The following ANKRD17 variants were observed in gnomAD, a reference collection of about 807,000 sequenced individuals.
ANKRD17 encodes ankyrin repeat domain 17.
ANKRD17 carries 19 observed loss-of-function variants against 229.7 expected under a neutral mutation model. That is an observed-to-expected ratio of 0.08 (90% confidence interval 0.06 to 0.12). The LOEUF (loss-of-function observed/expected upper bound fraction) is 0.12, where lower values mean the gene tolerates loss of function less well. Ranked by LOEUF, ANKRD17 falls within the 10% of genes least tolerant of loss-of-function variation. ANKRD17 has a pLI of 1.00. For missense variants in ANKRD17, 2,176 were observed against 3,176.8 expected, an observed-to-expected ratio of 0.68 and a Z score of 7.57; for synonymous variants, 1,112 against 1,146.1, an observed-to-expected ratio of 0.97 and a Z score of 0.60.
intron 27 of ANKRD17, among the ~76,000 whole-genome samples, chr4:73,095,098 C>T (rs767156242): frequency 6.4e-4 from 96 of 151,014 alleles, no homozygotes; most frequent in African/African-American, 2.1e-3. Context: ...CACTTGAATC[C>T]GGGAGATGGA....
chr4:73,162,890 C>T (rs1732721259), intron 2 of ANKRD17, among the ~76,000 whole-genome samples: 1 of 152,020 alleles, frequency 6.6e-6, no homozygotes, highest in Non-Finnish European at 1.5e-5. Flanking sequence ...GATAGGATCT[C>T]ACCTGGTTGC....
chr4:73,191,341 A>ATGTGTGTGTGTGTGTGTGTGTG (rs71655741), intron 1 of ANKRD17, among the ~76,000 whole-genome samples: 1,509 of 125,216 alleles, frequency 0.012, 26 homozygotes, highest in South Asian at 0.017. Context: ...AAAAATATAT[A>ATGTGTGTGTGTGTGTGTGTGTG]TGTGTGTGTG....
chr4:73,223,044 A>G (rs1205976635), intron 1 of ANKRD17: 2 of 1,536,004 alleles, frequency 1.3e-6, no homozygotes, highest in Admixed American at 3.9e-5. Context: ...TCAAACTGCC[A>G]TGTTTCTTAC....
At chr4:73,108,618 G>C (rs1405574648) in intron 24 of ANKRD17, among the ~76,000 whole-genome samples, 1 of 152,102 alleles carries the variant, frequency 6.6e-6, no homozygotes, top group African/African-American at 2.4e-5. Flanking sequence ...AGATGGAGAG[G>C]AGAAGTAACC....
chr4:73,190,859 G>GA (rs1176765477), intron 1 of ANKRD17, among the ~76,000 whole-genome samples: 1 of 151,688 alleles, frequency 6.6e-6, no homozygotes, highest in South Asian at 2.1e-4. Flanking sequence ...AGACCTACAG[G>GA]AAAAAAACTG....
At chr4:73,123,588 A>T (rs1727041588) in intron 18 of ANKRD17, among the ~76,000 whole-genome samples, 1 of 152,124 alleles carries the variant, frequency 6.6e-6, no homozygotes, top group African/African-American at 2.4e-5. Context: ...TGCCTATATT[A>T]TCACTGTTAA....
intron 32 of ANKRD17, 105 bp from the exon 33 acceptor site, chr4:73,077,209 G>T: frequency 2.2e-6 from 3 of 1,345,626 alleles, no homozygotes; most frequent in Non-Finnish European, 2.0e-6. Flanking sequence ...CTCATCCTGG[G>T]AATGTGTAAC....
intron 16 of ANKRD17, among the ~76,000 whole-genome samples, chr4:73,126,254 C>T (rs138837271): frequency 4.6e-5 from 7 of 152,102 alleles, no homozygotes; most frequent in African/African-American, 1.2e-4. Flanking sequence ...AGTCCATGTG[C>T]ATGAGGAAAT....
At chr4:73,150,048 G>C (rs1447967201) in intron 7 of ANKRD17, among the ~76,000 whole-genome samples, 1 of 151,298 alleles carries the variant, frequency 6.6e-6, no homozygotes, top group African/African-American at 2.4e-5. Flanking sequence ...GCCTATTTTT[G>C]CCTCTATGCT....
At chr4:73,162,399 T>C (rs779514932) in intron 2 of ANKRD17, among the ~76,000 whole-genome samples, 3 of 151,994 alleles carry the variant, frequency 2.0e-5, no homozygotes, top group Non-Finnish European at 2.9e-5. Flanking sequence ...TCATTTATGT[T>C]GTGTAGGGTA....
intron 25 of ANKRD17, among the ~76,000 whole-genome samples, chr4:73,100,004 T>A (rs1723769732): frequency 6.6e-6 from 1 of 152,076 alleles, no homozygotes; most frequent in Non-Finnish European, 1.5e-5. Flanking sequence ...GGGGCACCAA[T>A]AACAAGGAGC....
chr4:73,258,170 A>G (rs1745648064), intron 1 of ANKRD17, 106 bp downstream of exon 1: 2 of 1,549,550 alleles, frequency 1.3e-6, no homozygotes, highest in African/African-American at 2.7e-5. Context: ...CTGGCCCCTA[A>G]GAGATCAACC....
Position 73,120,552 on chromosome 4 carries a change from A to AAAAG in ANKRD17, c.3850-219_3850-216dup, listed in dbSNP as rs919433506. ...TCTCAACGGTATTGCAAAAAAAAAA[A>AAAAG]AAAGAAAGAAAGAAAAAAAAATCTG... On this transcript the variant is annotated intron_variant, in intron 20 of 33. Transcript: ENST00000358602. Among the ~76,000 whole-genome samples the AAAAG allele has an allele frequency of 2.5e-3, 382 of 151,510 alleles. 2 individuals carry two copies. The highest frequency in any genetic ancestry group is 8.7e-3 in the African/African-American group (361 of 41,370).
chr4:73,167,486 T>C (rs1733390855), intron 2 of ANKRD17, among the ~76,000 whole-genome samples: 1 of 152,228 alleles, frequency 6.6e-6, no homozygotes, highest in Non-Finnish European at 1.5e-5. Context: ...GTAACATCTT[T>C]GAATCTTCTT....
At chr4:73,236,601 T>C (rs773050502) in intron 1 of ANKRD17, among the ~76,000 whole-genome samples, 2 of 152,146 alleles carry the variant, frequency 1.3e-5, no homozygotes, top group Non-Finnish European at 2.9e-5. Flanking sequence ...ACATTTTTCA[T>C]TATAATCTAA....
In ANKRD17 at chr4:73,144,611, A is replaced by T. The variant is rs1578181325; in HGVS notation, c.1957+134T>A. 11 of 466,564 alleles carry T rather than the reference A, an allele frequency of 2.4e-5. No homozygotes were observed. The East Asian group carries it at 3.7e-4, about 16-fold the overall frequency. The allele number at this position is 466,564 out of a possible 1,614,324, so 28.9% of individuals were successfully genotyped here. On this transcript the variant is annotated intron_variant, in intron 11 of 33. Coordinates refer to ENST00000358602, the MANE Select transcript of ANKRD17 (RefSeq NM_032217.5). ...CAGGATGTTTATCAACTATCCACTC[A>T]ATCATTAAATGTCAGTAGCATCCCT...
chr4:73,140,123 C>T lies in ANKRD17; in HGVS notation c.2493G>A (p.Gln831=). The change falls in exon 15 of 34, where the codon CAG becomes CAA. Residue 831 remains glutamine, a synonymous_variant. Transcript: ENST00000358602. ...RIKEAIEKNA[Q]LQSLELAHAD... is the part of the protein sequence containing the mutation. ...CATGAGCCAGTTCCAAGGACTGCAG[C>T]TGTGCATTCTTTTCTATGGCTTCTT... 4 of 1,614,210 alleles carry T rather than the reference C, an allele frequency of 2.5e-6. No homozygotes were observed. Among genetic ancestry groups the T allele is most frequent in the Non-Finnish European group, 3.4e-6 (4 of 1,180,030 alleles).
chr4:73,161,183 TG>T lies in ANKRD17; in HGVS notation c.704+8del. 6.2e-7 allele frequency: 1 copy of T among 1,607,714 alleles called. No homozygotes were observed. The highest frequency in any genetic ancestry group is 1.3e-5 in the African/African-American group (1 of 74,710). On this transcript the variant is annotated splice_region_variant and intron_variant, in intron 3 of 33. Transcript: ENST00000358602. ...GATTTCATACTGATGGCAGCAAAAA[TG>T]TACTTACTTGTCCGACTGCCCTGCA...
intron 1 of ANKRD17, among the ~76,000 whole-genome samples, chr4:73,188,304 AG>A (rs1380065696): frequency 6.6e-6 from 1 of 152,114 alleles, no homozygotes; most frequent in African/African-American, 2.4e-5. Flanking sequence ...AGAAAAATTT[AG>A]GCCAGGTATG....
Sources: gnomAD v4.1 joint callset for allele counts (sites outside exome capture counted in the v4.1 genomes callset) on GRCh38, gnomAD v4.1.1 for gene constraint, MANE v1.5 for transcripts, NCBI Gene and HGNC (gene_info 2026-07-23, HGNC 2026-07-21) for gene names.